Variants in TENT4B observed in about 807,000 individuals in gnomAD.
TENT4B encodes PAP associated domain containing 5.
A neutral mutation model predicts 75.0 loss-of-function variants in TENT4B; 10 were observed. The ratio of observed to expected loss-of-function variants is 0.13; its 90% CI spans 0.08 to 0.23. TENT4B has a LOEUF of 0.23. Among genes scored for constraint, TENT4B ranks in the 10% least tolerant of loss-of-function variants. The pLI, the probability that TENT4B is intolerant of heterozygous loss-of-function variation, is 1.00. For synonymous variants in TENT4B, 350 were observed against 357.7 expected (o/e 0.98, Z 0.24); for missense variants, 579 against 893.8 (o/e 0.65, Z 4.49).
At chr16:50,178,964 T>A (rs1232436025) in intron 1 of TENT4B, among the ~76,000 whole-genome samples, 1 of 152,286 alleles carries the variant, frequency 6.6e-6, no homozygotes, top group Non-Finnish European at 1.5e-5. Flanking sequence ...AATGGTACAT[T>A]TTATGTTACA....
At chr16:50,215,028 GTA>G (rs2150737985) in intron 3 of TENT4B, among the ~76,000 whole-genome samples, 1 of 152,280 alleles carries the variant, frequency 6.6e-6, no homozygotes, top group Non-Finnish European at 1.5e-5. Context: ...GAAATTCAGG[GTA>G]CAGATCTCTT....
rs1264947250 is a variant in TENT4B at position 50,229,087 on chromosome 16, G to A, written c.1966-65G>A. 5.1e-6 allele frequency: 8 copies of A among 1,578,164 alleles called. No individual in the cohort carries two copies. The East Asian group carries it at 1.8e-4, about 36-fold the overall frequency. ...GTTTTGAAAGCTTCCCCAAATCCAG[G>A]TGTTTGAGAACACTCTGCTTTTCTG... On this transcript the variant is annotated intron_variant, in intron 11 of 11. Coordinates refer to ENST00000561678, the MANE Select transcript of TENT4B (RefSeq NM_001365324.3).
At chr16:50,227,542 A>G (rs1596759010) in intron 10 of TENT4B, among the ~76,000 whole-genome samples, 1 of 151,694 alleles carries the variant, frequency 6.6e-6, no homozygotes, top group Admixed American at 6.5e-5. Flanking sequence ...ACTCTTTACC[A>G]TACTCTTTCA....
chr16:50,162,447 G>A (rs1402420179), intron 1 of TENT4B, among the ~76,000 whole-genome samples: 1 of 151,406 alleles, frequency 6.6e-6, no homozygotes. Flanking sequence ...GAGATATCCA[G>A]TTTCTCTGCA....
intron 1 of TENT4B, among the ~76,000 whole-genome samples, chr16:50,187,639 C>T (rs907741671): frequency 6.6e-6 from 1 of 152,084 alleles, no homozygotes; most frequent in Admixed American, 6.6e-5. Flanking sequence ...ATCCAGTTTT[C>T]CCATCACTAT....
At chr16:50,197,066 C>T (rs1488923198) in intron 1 of TENT4B, among the ~76,000 whole-genome samples, 1 of 151,196 alleles carries the variant, frequency 6.6e-6, no homozygotes, top group Non-Finnish European at 1.5e-5. Context: ...GTGATTGTGC[C>T]ACTGCCTTCC....
chr16:50,155,146 C>A (rs2037866384), intron 1 of TENT4B, among the ~76,000 whole-genome samples: 1 of 152,140 alleles, frequency 6.6e-6, no homozygotes, highest in Non-Finnish European at 1.5e-5. Context: ...TCTTACCTGA[C>A]CCCTAGTGAA....
At chr16:50,154,899 G>T (rs1372893678) in intron 1 of TENT4B, among the ~76,000 whole-genome samples, 4 of 152,130 alleles carry the variant, frequency 2.6e-5, no homozygotes, top group African/African-American at 9.7e-5. Flanking sequence ...TATGCAGAGG[G>T]TGGCGTGGGA....
rs2032309394 is a variant in TENT4B at position 50,231,950 on chromosome 16, A to G, written c.*2622A>G. 1.0e-6 allele frequency: 1 copy of G among 981,070 alleles called. No individual in the cohort carries two copies. The highest frequency in any genetic ancestry group is 4.7e-5 in the South Asian group (1 of 21,210). The allele number at this position is 981,070 out of a possible 1,614,324, so 60.8% of individuals were successfully genotyped here. A position where few individuals can be genotyped will look rare whatever the true frequency, so the allele number is the denominator to read the frequency against. On this transcript the variant is annotated 3_prime_UTR_variant, in exon 12 of 12. Transcript: ENST00000561678. ...ATCAGAAATGTGTCATTTATATATT[A>G]GAGTCCATTCATATCCATGAATCAT...
chr16:50,227,780 G>A, intron 10 of TENT4B, 59 bp from the exon 11 acceptor site: 2 of 1,571,574 alleles, frequency 1.3e-6, no homozygotes, highest in African/African-American at 1.4e-5. Context: ...TTTTCTTTCT[G>A]AATATTGAGT....
intron 1 of TENT4B, among the ~76,000 whole-genome samples, chr16:50,205,996 A>AT (rs529574931): frequency 2.6e-5 from 4 of 151,930 alleles, no homozygotes; most frequent in African/African-American, 7.3e-5. Flanking sequence ...ATATAGCTTT[A>AT]TTTTTTTAAG....
chr16:50,230,577 G>C lies in TENT4B; in HGVS notation c.*1249G>C. 1.0e-6 allele frequency: 1 copy of C among 975,650 alleles called. No individual in the cohort carries two copies. The highest frequency in any genetic ancestry group is 1.2e-6 in the Non-Finnish European group (1 of 820,784). The allele number at this position is 975,650 out of a possible 1,614,324, so 60.4% of individuals were successfully genotyped here. On this transcript the variant is annotated 3_prime_UTR_variant, in exon 12 of 12. Coordinates refer to ENST00000561678, the MANE Select transcript of TENT4B (RefSeq NM_001365324.3). ...TACAAATTAAATGGTCTTTGATAAT[G>C]GATCTATTTTGTATTGCCTTATTAA...
At chr16:50,189,668 T>G (rs1251999354) in intron 1 of TENT4B, among the ~76,000 whole-genome samples, 1 of 150,638 alleles carries the variant, frequency 6.6e-6, no homozygotes, top group Non-Finnish European at 1.5e-5. Context: ...CTAATGCAAT[T>G]CCAGGATGTA....
intron 1 of TENT4B, among the ~76,000 whole-genome samples, chr16:50,167,395 T>C (rs2038121422): frequency 6.6e-6 from 1 of 151,506 alleles, no homozygotes; most frequent in South Asian, 2.1e-4. Context: ...GTTTTTTTTT[T>C]TTACTTTCTT....
intron 1 of TENT4B, among the ~76,000 whole-genome samples, chr16:50,209,121 C>T (rs1056360613): frequency 1.3e-5 from 2 of 152,156 alleles, no homozygotes; most frequent in Admixed American, 1.3e-4. Flanking sequence ...TTAGAAAATT[C>T]GTAAGGGGGC....
chr16:50,180,342 A>G (rs2038389387), intron 1 of TENT4B, among the ~76,000 whole-genome samples: 1 of 152,126 alleles, frequency 6.6e-6, no homozygotes, highest in African/African-American at 2.4e-5. Flanking sequence ...TAACCTTGTG[A>G]TCTGCCTGCC....
At chr16:50,198,561 TA>T (rs996382226) in intron 1 of TENT4B, among the ~76,000 whole-genome samples, 1 of 151,410 alleles carries the variant, frequency 6.6e-6, no homozygotes. Context: ...GGTTGCATTT[TA>T]AAAAAAAACT....
intron 1 of TENT4B, among the ~76,000 whole-genome samples, chr16:50,208,238 T>G (rs766903109): frequency 6.6e-6 from 1 of 152,216 alleles, no homozygotes; most frequent in Non-Finnish European, 1.5e-5. Context: ...TGGAACCATT[T>G]TTTCTAAAAT....
At chr16:50,222,930 G>C (rs2031894448) in intron 6 of TENT4B, among the ~76,000 whole-genome samples, 1 of 152,188 alleles carries the variant, frequency 6.6e-6, no homozygotes, top group African/African-American at 2.4e-5. Flanking sequence ...AGCCAGCCCT[G>C]GTTGGCAGCC....
Sources: gnomAD v4.1 joint callset for allele counts (sites outside exome capture counted in the v4.1 genomes callset) on GRCh38, gnomAD v4.1.1 for gene constraint, MANE v1.5 for transcripts, NCBI Gene and HGNC (gene_info 2026-07-23, HGNC 2026-07-21) for gene names.